The following CNTNAP2 variants were observed in gnomAD, a reference collection of about 807,000 sequenced individuals.
The protein encoded by CNTNAP2 is contactin-associated protein-like 2.
CNTNAP2 carries 98 observed loss-of-function variants against 155.2 expected under a neutral mutation model. That is an observed-to-expected ratio of 0.63 (90% CI 0.54 to 0.75). The LOEUF (loss-of-function observed/expected upper bound fraction) is 0.75, where lower values mean the gene tolerates loss of function less well. Ranked by LOEUF, CNTNAP2 falls within the 30% of genes least tolerant of loss-of-function variation. The pLI is 0.00. For synonymous variants in CNTNAP2, 651 were observed against 631.2 expected (o/e 1.03, Z -0.47); for missense variants, 1,727 against 1,688.1 (o/e 1.02, Z -0.40).
intron 12 of CNTNAP2, among the ~76,000 whole-genome samples, chr7:147,567,238 C>A (rs2116800184): frequency 6.6e-6 from 1 of 152,260 alleles, no homozygotes; most frequent in African/African-American, 2.4e-5. Context: ...AAACGGCTGA[C>A]TCATGAGCTG....
intron 2 of CNTNAP2, among the ~76,000 whole-genome samples, chr7:146,824,970 A>G (rs142168382): frequency 6.6e-6 from 1 of 151,718 alleles, no homozygotes; most frequent in Non-Finnish European, 1.5e-5. Flanking sequence ...AAAGCCTATT[A>G]AAGAAATTCT....
chr7:147,044,657 C>T (rs1471235916), intron 4 of CNTNAP2, among the ~76,000 whole-genome samples: 1 of 152,130 alleles, frequency 6.6e-6, no homozygotes, highest in African/African-American at 2.4e-5. Context: ...ATACATTATG[C>T]ATATATCTAA....
At chr7:146,781,913 A>C (rs143265658) in intron 2 of CNTNAP2, among the ~76,000 whole-genome samples, 7 of 152,260 alleles carry the variant, frequency 4.6e-5, no homozygotes, top group Middle Eastern at 6.8e-3. Flanking sequence ...TGTGTGGCCT[A>C]GCTCCTCCTG....
At chr7:147,530,122 T>C (rs1419628261) in intron 11 of CNTNAP2, among the ~76,000 whole-genome samples, 1 of 152,072 alleles carries the variant, frequency 6.6e-6, no homozygotes, top group African/African-American at 2.4e-5. Context: ...AAAAGAAGTT[T>C]AATTGGACTT....
rs183138596 is a variant in CNTNAP2 at position 146,819,840 on chromosome 7, G to A, written c.209-19871G>A. Among the ~76,000 whole-genome samples the A allele has an allele frequency of 1.4e-3, 212 of 152,024 alleles. 1 individual carries two copies. The highest frequency in any genetic ancestry group is 2.5e-3 in the Non-Finnish European group (173 of 67,980). On this transcript the variant is annotated intron_variant, in intron 2 of 23. Coordinates refer to ENST00000361727, the MANE Select transcript of CNTNAP2 (RefSeq NM_014141.6). ...TTCCTTCTTTTCACTTGCCATAGTC[G>A]CCAGGAGCTCTCACCCTGAAATACA...
chr7:146,619,339 T>G lies in CNTNAP2; in HGVS notation c.98-154932T>G, dbSNP rs555184335. 2.6e-5 allele frequency among the ~76,000 whole-genome samples: 4 copies of G among 152,250 alleles called. No homozygotes were observed. In the South Asian group the frequency reaches 8.3e-4, roughly 32 times the overall value. ...AAAAATATTCCATCTTCATTATCAC[T>G]ATCCATTTTCTGTAACATTCAGAGT... On this transcript the variant is annotated intron_variant, in intron 1 of 23. Transcript: ENST00000361727.
intron 10 of CNTNAP2, among the ~76,000 whole-genome samples, chr7:147,457,857 A>G (rs1318253750): frequency 2.0e-5 from 3 of 151,934 alleles, no homozygotes; most frequent in African/African-American, 7.3e-5. Flanking sequence ...AAAAAATCTG[A>G]TCTTTCTTGA....
chr7:146,999,766 G>C (rs929250059), intron 3 of CNTNAP2, among the ~76,000 whole-genome samples: 1 of 151,910 alleles, frequency 6.6e-6, no homozygotes, highest in Admixed American at 6.6e-5. Context: ...TAGAGCTCTC[G>C]TCATTTGTGG....
chr7:146,592,834 A>G (rs960527322), intron 1 of CNTNAP2, among the ~76,000 whole-genome samples: 1 of 152,100 alleles, frequency 6.6e-6, no homozygotes, highest in African/African-American at 2.4e-5. Context: ...ATGGGGACAT[A>G]CGGGACAGTC....
intron 1 of CNTNAP2, among the ~76,000 whole-genome samples, chr7:146,254,045 G>A (rs1334670605): frequency 6.6e-6 from 1 of 151,916 alleles, no homozygotes; most frequent in Non-Finnish European, 1.5e-5. Context: ...CTGGGTGACA[G>A]AACAAGACAC....
At chr7:146,931,320 C>G (rs1419445673) in intron 3 of CNTNAP2, among the ~76,000 whole-genome samples, 1 of 151,788 alleles carries the variant, frequency 6.6e-6, no homozygotes, top group Admixed American at 6.6e-5. Context: ...ACTGAACAAC[C>G]TGCTCCTGAA....
intron 8 of CNTNAP2, among the ~76,000 whole-genome samples, chr7:147,148,243 A>G (rs1801751038): frequency 6.6e-6 from 1 of 151,508 alleles, no homozygotes; most frequent in Non-Finnish European, 1.5e-5. Context: ...ACAAAAAAAT[A>G]GCCGGGCGTA....
At chr7:147,414,712 T>A (rs867971507) in intron 10 of CNTNAP2, among the ~76,000 whole-genome samples, 5 of 151,604 alleles carry the variant, frequency 3.3e-5, no homozygotes, top group Non-Finnish European at 7.4e-5. Flanking sequence ...GAGGCCAAGG[T>A]GGGCGGATCA....
intron 12 of CNTNAP2, among the ~76,000 whole-genome samples, chr7:147,619,848 G>A (rs144999355): frequency 1.3e-5 from 2 of 152,184 alleles, no homozygotes; most frequent in African/African-American, 2.4e-5. Flanking sequence ...CAGCAGCCAG[G>A]GAGTGGTTAC....
intron 13 of CNTNAP2, among the ~76,000 whole-genome samples, chr7:147,812,646 C>G (rs1436571405): frequency 1.3e-5 from 2 of 152,200 alleles, no homozygotes; most frequent in African/African-American, 4.8e-5. Context: ...CACAAGGCCT[C>G]AGGTCCTCTC....
intron 11 of CNTNAP2, among the ~76,000 whole-genome samples, chr7:147,501,820 A>C (rs2116669551): frequency 6.6e-6 from 1 of 152,318 alleles, no homozygotes; most frequent in Admixed American, 6.5e-5. Flanking sequence ...TACATATAGA[A>C]AACCCTACAG....
At chr7:146,136,622 A>G (rs922567462) in intron 1 of CNTNAP2, among the ~76,000 whole-genome samples, 2 of 152,030 alleles carry the variant, frequency 1.3e-5, no homozygotes, top group African/African-American at 4.8e-5. Flanking sequence ...ACAGAAGCTC[A>G]GCGTTGGTGT....
intron 1 of CNTNAP2, among the ~76,000 whole-genome samples, chr7:146,732,905 A>G (rs966577417): frequency 6.6e-6 from 1 of 152,042 alleles, no homozygotes; most frequent in Non-Finnish European, 1.5e-5. Context: ...TGTGATTTTA[A>G]TGGTTTTGTA....
intron 8 of CNTNAP2, among the ~76,000 whole-genome samples, chr7:147,155,169 C>T (rs996530009): frequency 3.3e-5 from 5 of 152,058 alleles, no homozygotes; most frequent in African/African-American, 1.2e-4. Context: ...ACAAAACCCT[C>T]ATGAGTGATG....
Sources: allele counts gnomAD v4.1 joint callset (sites outside exome capture counted in the v4.1 genomes callset), GRCh38; gene constraint gnomAD v4.1.1; transcripts MANE v1.5; gene names NCBI Gene and HGNC (gene_info 2026-07-23, HGNC 2026-07-21).